The following TTLL7 variants were observed in gnomAD, a reference collection of about 807,000 sequenced individuals.
TTLL7 encodes tubulin tyrosine ligase like 7, also known as tubulin polyglutamylase TTLL7.
A neutral mutation model predicts 120.2 loss-of-function variants in TTLL7; 53 were observed. The ratio of observed to expected loss-of-function variants is 0.44; its 90% confidence interval spans 0.35 to 0.55. The LOEUF (loss-of-function observed/expected upper bound fraction) is 0.55. TTLL7 is among the 20% of genes least tolerant of loss of function. The pLI is 0.00. For missense variants in TTLL7, 803 were observed against 1,054.7 expected (o/e 0.76, Z 3.31); for synonymous variants, 353 against 351.7 (o/e 1.00, Z -0.04).
chr1:83,917,829 T>C (rs1040555680), intron 13 of TTLL7, 139 bp from the exon 14 acceptor site: 5 of 628,202 alleles, frequency 8.0e-6, no homozygotes, highest in Admixed American at 3.0e-5. Flanking sequence ...AAAGGAGAAA[T>C]ATTAAAGGGT....
chr1:83,950,183 G>C (rs1001725450), intron 3 of TTLL7, among the ~76,000 whole-genome samples, 197 bp from the exon 4 acceptor site: 1 of 151,882 alleles, frequency 6.6e-6, no homozygotes, highest in Non-Finnish European at 1.5e-5. Context: ...ACTGTTTTTC[G>C]GTTGCACCCA....
chr1:83,950,067 C>A, intron 3 of TTLL7, 81 bp from the exon 4 acceptor site: 1 of 1,246,500 alleles, frequency 8.0e-7, no homozygotes. Flanking sequence ...TCTATCTAAA[C>A]TTTAGTTCAT....
intron 20 of TTLL7, among the ~76,000 whole-genome samples, chr1:83,870,542 G>GT (rs1413553384): frequency 6.6e-6 from 1 of 152,146 alleles, no homozygotes; most frequent in Non-Finnish European, 1.5e-5. Context: ...AATAGAAAAA[G>GT]TTAAAGATTA....
chr1:83,938,448 G>T (rs1275943646), intron 7 of TTLL7, among the ~76,000 whole-genome samples: 2 of 152,072 alleles, frequency 1.3e-5, no homozygotes, highest in Admixed American at 1.3e-4. Context: ...GCTTTTCAAA[G>T]AAAAATAAAA....
chr1:83,881,299 C>T (rs1252825800), intron 20 of TTLL7, among the ~76,000 whole-genome samples: 2 of 150,472 alleles, frequency 1.3e-5, no homozygotes, highest in Non-Finnish European at 3.0e-5. Flanking sequence ...TCAGAGTGAA[C>T]AGGCAACCTA....
At position 83,906,481 on chromosome 1, in the gene TTLL7, A is replaced by G. The variant is rs1178624041; in HGVS notation, c.1993-18T>C. The G allele has an allele frequency of 6.2e-7, 1 of 1,611,004 alleles. No homozygotes were observed. Among genetic ancestry groups the G allele is most frequent in the Non-Finnish European group, 8.5e-7 (1 of 1,178,338 alleles). On this transcript the variant is annotated intron_variant, in intron 16 of 20. Coordinates refer to ENST00000260505, the MANE Select transcript of TTLL7 (RefSeq NM_024686.6). ...GACTCACTCTTAAATTTGAAAGAAT[A>G]CAGATATTTGGAGGGGGTCTTATTT...
At chr1:83,894,339 C>A (rs888364612) in intron 18 of TTLL7, among the ~76,000 whole-genome samples, 10 of 151,998 alleles carry the variant, frequency 6.6e-5, no homozygotes, top group African/African-American at 2.2e-4. Context: ...TTAACGTTAC[C>A]TTAAGTTCAT....
intron 15 of TTLL7, among the ~76,000 whole-genome samples, chr1:83,910,860 G>A (rs895915434): frequency 6.6e-6 from 1 of 152,154 alleles, no homozygotes; most frequent in African/African-American, 2.4e-5. Context: ...TGGCTTAAGA[G>A]ACACATAATC....
At chr1:83,911,845 T>C (rs1657704824) in intron 14 of TTLL7, among the ~76,000 whole-genome samples, 1 of 151,888 alleles carries the variant, frequency 6.6e-6, no homozygotes, top group Non-Finnish European at 1.5e-5. Context: ...TGTGTGTGTC[T>C]GTGTTTGTGT....
chr1:83,948,507 A>G, intron 5 of TTLL7, 121 bp downstream of exon 5: 8 of 643,062 alleles, frequency 1.2e-5, no homozygotes, highest in East Asian at 2.9e-5. Flanking sequence ...TAGCTCCAAA[A>G]TTCTATCACT....
In TTLL7 at chr1:83,907,510, G is replaced by C; in HGVS notation, c.1938C>G (p.Ser646=). The change falls in exon 16 of 21, where the codon TCC becomes TCG. Residue 646 remains serine, a synonymous_variant. Coordinates refer to ENST00000260505, the MANE Select transcript of TTLL7 (RefSeq NM_024686.6). ...TACTGTGAGGCAGATGCCTCATGTAGGAGGAAGCACGGTTTAAGGAATGTG... is the reference window on the plus strand; with the variant it reads ...TACTGTGAGGCAGATGCCTCATGTACGAGGAAGCACGGTTTAAGGAATGTG... ...SRSHSLNRAS[S]YMRHLPHSND... 5.0e-6 allele frequency: 8 copies of C among 1,613,184 alleles called. No homozygotes were observed. Among genetic ancestry groups the C allele is most frequent in the Non-Finnish European group, 6.8e-6 (8 of 1,179,400 alleles).
intron 6 of TTLL7, chr1:83,946,063 T>A (rs1648463976): frequency 6.6e-6 from 1 of 151,256 alleles, no homozygotes; most frequent in Non-Finnish European, 1.5e-5. Context: ...GACTCATGTA[T>A]TTTTTTTTGA....
At chr1:83,975,288 A>T (rs964659140) in intron 1 of TTLL7, among the ~76,000 whole-genome samples, 1 of 152,138 alleles carries the variant, frequency 6.6e-6, no homozygotes, top group African/African-American at 2.4e-5. Context: ...TCTGGAGTGC[A>T]GCCTTGACAC....
chr1:83,981,906 T>C (rs1416611851), intron 1 of TTLL7, among the ~76,000 whole-genome samples: 1 of 151,146 alleles, frequency 6.6e-6, no homozygotes. Flanking sequence ...GATTACTAAA[T>C]TAAAAATCAG....
At chr1:83,910,920 C>A (rs1657624014) in intron 15 of TTLL7, among the ~76,000 whole-genome samples, 1 of 152,042 alleles carries the variant, frequency 6.6e-6, no homozygotes, top group African/African-American at 2.4e-5. Flanking sequence ...AAAAATCTGG[C>A]ACCTAACAAA....
rs1258494327 is a variant in TTLL7 at position 83,868,945 on chromosome 1, T to C, written c.*1017A>G. ...CCATTTTATTTATTTATTTTTATCT[T>C]CTTTTTATTTATTTATTTATTTTAT... On this transcript the variant is annotated 3_prime_UTR_variant, in exon 21 of 21. Transcript: ENST00000260505. 1 of 150,488 alleles carries C rather than the reference T, an allele frequency of 6.6e-6. No homozygotes were observed. The highest frequency in any genetic ancestry group is 1.5e-5 in the Non-Finnish European group (1 of 67,584). The allele number at this position is 150,488 out of a possible 1,614,324, so 9.3% of individuals were successfully genotyped here.
intron 8 of TTLL7, among the ~76,000 whole-genome samples, chr1:83,937,638 A>T (rs996746659): frequency 2.6e-5 from 4 of 152,214 alleles, no homozygotes; most frequent in African/African-American, 9.7e-5. Context: ...TGATGTCTGC[A>T]CAATGACAAA....
At chr1:83,960,830 T>C (rs1198887362) in intron 1 of TTLL7, among the ~76,000 whole-genome samples, 1 of 152,052 alleles carries the variant, frequency 6.6e-6, no homozygotes, top group African/African-American at 2.4e-5. Context: ...ACAACTCTCA[T>C]AACAATAAAA....
At position 83,867,232 on chromosome 1, in the gene TTLL7, T is replaced by C. The variant is rs1652975343; in HGVS notation, c.*2730A>G. 1 of 152,056 alleles carries C rather than the reference T, an allele frequency of 6.6e-6. No individual in the cohort carries two copies. Among genetic ancestry groups the C allele is most frequent in the Non-Finnish European group, 1.5e-5 (1 of 67,920 alleles). The allele number at this position is 152,056 out of a possible 1,614,324, so 9.4% of individuals were successfully genotyped here. A position where few individuals can be genotyped will look rare whatever the true frequency, so the allele number is the denominator to read the frequency against. On this transcript the variant is annotated 3_prime_UTR_variant, in exon 21 of 21. Transcript: ENST00000260505. ...ATTTTATACCTCTAAATCATTTCCA[T>C]GGCCTCCCAACACTTCCATGGTTTA...
Sources: gnomAD v4.1 joint callset for allele counts (sites outside exome capture counted in the v4.1 genomes callset) on GRCh38, gnomAD v4.1.1 for gene constraint, MANE v1.5 for transcripts, NCBI Gene and HGNC (gene_info 2026-07-23, HGNC 2026-07-21) for gene names.